Variants in FCHSD2 observed in about 807,000 individuals in gnomAD.
FCHSD2 encodes F-BAR and double SH3 domains protein 2.
A neutral mutation model predicts 108.1 loss-of-function variants in FCHSD2; 38 were observed. That is an observed-to-expected ratio of 0.35 (90% CI 0.27 to 0.46). FCHSD2 has a LOEUF of 0.46. Among genes scored for constraint, FCHSD2 ranks in the 20% least tolerant of loss-of-function variants. FCHSD2 has a pLI of 1.00. For missense variants in FCHSD2, 751 were observed against 897.8 expected (o/e 0.84, Z 2.09); for synonymous variants, 279 against 314.7 (o/e 0.89, Z 1.20).
chr11:73,025,258 A>G (rs1044831494), intron 3 of FCHSD2, among the ~76,000 whole-genome samples: 2 of 152,068 alleles, frequency 1.3e-5, no homozygotes, highest in African/African-American at 4.8e-5. Flanking sequence ...TCAGTGATAG[A>G]CTGGATAAAG....
At chr11:72,867,077 A>G (rs1854743868) in intron 13 of FCHSD2, among the ~76,000 whole-genome samples, 1 of 152,262 alleles carries the variant, frequency 6.6e-6, no homozygotes, top group Non-Finnish European at 1.5e-5. Context: ...AGACAACAAT[A>G]AACAAAAGAA....
intron 6 of FCHSD2, 39 bp from the exon 7 acceptor site, chr11:72,985,155 CTAATTA>C (rs1565354437): frequency 1.8e-6 from 1 of 558,272 alleles, no homozygotes; most frequent in East Asian, 3.5e-5. Flanking sequence ...ATAAAATCAT[CTAATTA>C]TATCACAATA....
chr11:72,980,261 G>A (rs1202224892), intron 8 of FCHSD2, among the ~76,000 whole-genome samples: 1 of 152,170 alleles, frequency 6.6e-6, no homozygotes, highest in African/African-American at 2.4e-5. Context: ...GTTAACTAGG[G>A]AAAAGACAGT....
intron 10 of FCHSD2, among the ~76,000 whole-genome samples, chr11:72,895,480 T>C (rs1489299235): frequency 6.6e-6 from 1 of 152,162 alleles, no homozygotes; most frequent in Non-Finnish European, 1.5e-5. Context: ...TATGCCTTTA[T>C]TTTGGTAGCT....
chr11:72,848,335 ACT>A (rs1323177433), intron 14 of FCHSD2, among the ~76,000 whole-genome samples: 1 of 151,570 alleles, frequency 6.6e-6, no homozygotes, highest in African/African-American at 2.4e-5. Context: ...CTCTCATCAC[ACT>A]CTGTCTCTAT....
At chr11:72,915,946 C>G (rs541979431) in intron 9 of FCHSD2, among the ~76,000 whole-genome samples, 2 of 152,312 alleles carry the variant, frequency 1.3e-5, no homozygotes, top group South Asian at 4.1e-4. Context: ...GGCCACTATC[C>G]TTAGCAAACT....
intron 11 of FCHSD2, 41 bp downstream of exon 11, chr11:72,889,788 G>T: frequency 9.1e-7 from 1 of 1,093,966 alleles, no homozygotes; most frequent in Non-Finnish European, 1.4e-6. Context: ...TTTGACATTT[G>T]GCTTAAGGTG....
chr11:72,916,456 G>C (rs1372218260), intron 9 of FCHSD2, among the ~76,000 whole-genome samples: 1 of 151,498 alleles, frequency 6.6e-6, no homozygotes, highest in Non-Finnish European at 1.5e-5. Context: ...GGGACAACAG[G>C]TATGCAGCAC....
chr11:72,857,758 T>TA (rs1327596103), intron 13 of FCHSD2, among the ~76,000 whole-genome samples: 1 of 152,026 alleles, frequency 6.6e-6, no homozygotes, highest in East Asian at 1.9e-4. Flanking sequence ...CCAAAATGCT[T>TA]ACTCTTATTG....
At position 73,139,109 on chromosome 11, in the gene FCHSD2, G is replaced by A. The variant is rs373295551; in HGVS notation, c.119+922C>T. On this transcript the variant is annotated intron_variant, in intron 2 of 19. Coordinates refer to ENST00000409418, the MANE Select transcript of FCHSD2 (RefSeq NM_014824.3). ...GAAATGCTTATAGTGCCTAAATATA[G>A]GAGAGGAAAAAAGGAAATTCTTGAA... Among the ~76,000 whole-genome samples, 15 of 152,218 alleles carry A rather than the reference G, an allele frequency of 9.9e-5. No homozygotes were observed. In the East Asian group the frequency reaches 2.9e-3, roughly 29 times the overall value.
intron 12 of FCHSD2, among the ~76,000 whole-genome samples, chr11:72,875,292 T>C (rs1221987130): frequency 6.6e-6 from 1 of 152,212 alleles, no homozygotes; most frequent in Non-Finnish European, 1.5e-5. Flanking sequence ...CTAGGAACTA[T>C]ATCATCATAT....
At chr11:72,923,252 G>A (rs1856009464) in intron 8 of FCHSD2, among the ~76,000 whole-genome samples, 1 of 152,090 alleles carries the variant, frequency 6.6e-6, no homozygotes, top group African/African-American at 2.4e-5. Flanking sequence ...AAATAATGCT[G>A]CTATGAACAT....
intron 4 of FCHSD2, among the ~76,000 whole-genome samples, chr11:73,013,057 T>C (rs1338523457): frequency 7.2e-5 from 11 of 152,326 alleles, no homozygotes; most frequent in Admixed American, 3.3e-4. Context: ...AAGATGATAA[T>C]ATGATTCCTC....
intron 2 of FCHSD2, among the ~76,000 whole-genome samples, chr11:73,112,724 C>T (rs1474739357): frequency 6.6e-6 from 1 of 152,232 alleles, no homozygotes; most frequent in Admixed American, 6.5e-5. Flanking sequence ...TCTCAGCTCA[C>T]TACAACCTCT....
chr11:72,939,506 TGTTTGATGAATAC>T (rs1361462783), intron 8 of FCHSD2, among the ~76,000 whole-genome samples: 1 of 152,050 alleles, frequency 6.6e-6, no homozygotes, highest in Non-Finnish European at 1.5e-5. Context: ...AAAAGCTGCC[TGTTTGATGAATAC>T]ATTTCAGTTT....
chr11:73,096,105 G>C (rs531827881), intron 2 of FCHSD2, among the ~76,000 whole-genome samples: 37 of 152,098 alleles, frequency 2.4e-4, no homozygotes, highest in African/African-American at 8.9e-4. Flanking sequence ...TATCTAAACA[G>C]ACGTAAAATT....
intron 8 of FCHSD2, among the ~76,000 whole-genome samples, chr11:72,978,438 A>G (rs1264696640): frequency 6.6e-6 from 1 of 152,226 alleles, no homozygotes; most frequent in Non-Finnish European, 1.5e-5. Flanking sequence ...AATATCATTG[A>G]CCATCAGAGA....
chr11:72,877,028 G>C (rs892417223), intron 12 of FCHSD2, among the ~76,000 whole-genome samples: 1 of 151,446 alleles, frequency 6.6e-6, no homozygotes, highest in African/African-American at 2.4e-5. Context: ...CTGCAGTGCA[G>C]TGGTACGATC....
Position 72,989,095 on chromosome 11 carries a change from A to G in FCHSD2, c.390T>C (p.Cys130=), listed in dbSNP as rs538633517. The change falls in exon 6 of 20, where the codon TGT becomes TGC. Residue 130 remains cysteine, a splice_region_variant and synonymous_variant. Transcript: ENST00000409418. ...RSLKEQQLKR[C]VDQLTKIQTE... ...TTTGGATCTTTGTCAACTGGTCCAC[A>G]CACTGTAAAATACAAAAGTACAATC... 12 of 1,602,672 alleles carry G rather than the reference A, an allele frequency of 7.5e-6. No individual in the cohort carries two copies. The Admixed American group carries it at 1.6e-4, about 21-fold the overall frequency.
Sources: gnomAD v4.1 joint callset for allele counts (sites outside exome capture counted in the v4.1 genomes callset) on GRCh38, gnomAD v4.1.1 for gene constraint, MANE v1.5 for transcripts, NCBI Gene and HGNC (gene_info 2026-07-23, HGNC 2026-07-21) for gene names.